The following RNLS variants were observed in gnomAD, a reference collection of about 807,000 sequenced individuals.
The protein encoded by RNLS is renalase, FAD dependent amine oxidase, also known as renalase.
RNLS carries 39 observed loss-of-function variants against 39.8 expected under a neutral mutation model. That is an observed-to-expected ratio of 0.98 (90% CI 0.76 to 1.28). The LOEUF (loss-of-function observed/expected upper bound fraction) is 1.28, where lower values mean the gene tolerates loss of function less well. Ranked by LOEUF, RNLS falls within the 50% of genes most tolerant of loss-of-function variation. The pLI is 0.00. For missense variants in RNLS, 410 were observed against 413.3 expected, an observed-to-expected ratio of 0.99 and a Z score of 0.07; for synonymous variants, 147 against 150.7, an observed-to-expected ratio of 0.98 and a Z score of 0.18.
intron 3 of RNLS, among the ~76,000 whole-genome samples, chr10:88,580,980 T>A (rs1217124601): frequency 6.6e-6 from 1 of 152,074 alleles, no homozygotes; most frequent in Admixed American, 6.5e-5. Context: ...TGATCCTAAA[T>A]AAAGATATGC....
chr10:88,443,264 G>A (rs560095597), intron 4 of RNLS, among the ~76,000 whole-genome samples: 156 of 152,198 alleles, frequency 1.0e-3, no homozygotes, highest in African/African-American at 3.5e-3. Flanking sequence ...CTAAAACTGC[G>A]TATTTTATAT....
chr10:88,490,257 T>C (rs1239441566), intron 4 of RNLS, among the ~76,000 whole-genome samples: 2 of 152,146 alleles, frequency 1.3e-5, no homozygotes, highest in African/African-American at 4.8e-5. Flanking sequence ...ATTTATAAGT[T>C]TATAAAATAT....
At chr10:88,555,538 C>T (rs1211553420) in intron 4 of RNLS, among the ~76,000 whole-genome samples, 1 of 152,128 alleles carries the variant, frequency 6.6e-6, no homozygotes, top group African/African-American at 2.4e-5. Flanking sequence ...CTTCACGCTT[C>T]ACCATGACTA....
Position 88,306,139 on chromosome 10 carries a change from C to T in RNLS, c.876+8327G>A, listed in dbSNP as rs901600163. On this transcript the variant is annotated intron_variant, in intron 6 of 6. Transcript: ENST00000331772. ...ATTTATTTGAAATTAATGAGAACAA[C>T]GATACAACATATCCAAATCTCTGGA... Among the ~76,000 whole-genome samples, 7 of 152,036 alleles carry T rather than the reference C, an allele frequency of 4.6e-5. No individual in the cohort carries two copies. The South Asian group carries it at 6.2e-4, about 14-fold the overall frequency.
chr10:88,348,068 G>T (rs1848431696), intron 5 of RNLS, among the ~76,000 whole-genome samples: 1 of 152,128 alleles, frequency 6.6e-6, no homozygotes, highest in Non-Finnish European at 1.5e-5. Flanking sequence ...GACTGCGCCA[G>T]TTCCCACCTG....
intron 4 of RNLS, among the ~76,000 whole-genome samples, chr10:88,518,942 TAAAGAAAG>T (rs1394855640): frequency 6.6e-6 from 1 of 152,034 alleles, no homozygotes; most frequent in African/African-American, 2.4e-5. Flanking sequence ...TGTATATCTC[TAAAGAAAG>T]AAAAGATAGT....
chr10:88,415,780 T>G (rs1853981040), intron 4 of RNLS, among the ~76,000 whole-genome samples: 1 of 152,200 alleles, frequency 6.6e-6, no homozygotes, highest in Non-Finnish European at 1.5e-5. Context: ...GCCTGTCTGT[T>G]CTTGCTCCCA....
intron 4 of RNLS, among the ~76,000 whole-genome samples, chr10:88,472,616 T>C (rs1843609851): frequency 6.6e-6 from 1 of 152,208 alleles, no homozygotes; most frequent in Admixed American, 6.5e-5. Context: ...ATAAAGCTGT[T>C]AGTACAGCCA....
downstream of RNLS, among the ~76,000 whole-genome samples, chr10:88,272,025 G>A (rs1842662768): frequency 1.3e-5 from 2 of 152,204 alleles, no homozygotes; most frequent in Admixed American, 6.5e-5. Context: ...GAAAAAGGAA[G>A]TGGCATTATA....
chr10:88,582,931 G>T (rs573294569), intron 1 of RNLS, 142 bp downstream of exon 1: 4 of 966,914 alleles, frequency 4.1e-6, no homozygotes, highest in South Asian at 2.1e-5. Flanking sequence ...GCCACTCGGC[G>T]CATGGGCCGC....
At chr10:88,353,308 G>A (rs910972614) in intron 5 of RNLS, among the ~76,000 whole-genome samples, 1 of 152,078 alleles carries the variant, frequency 6.6e-6, no homozygotes, top group East Asian at 1.9e-4. Flanking sequence ...ATGTTAGGGT[G>A]TCAATTTTAG....
intron 4 of RNLS, among the ~76,000 whole-genome samples, chr10:88,377,126 A>ATAAG (rs1385621257): frequency 2.6e-5 from 4 of 152,228 alleles, no homozygotes; most frequent in East Asian, 3.9e-4. Context: ...TTTCTTGCAT[A>ATAAG]TAAGTCAGAA....
At chr10:88,218,122 G>T in the RNLS span, among the ~76,000 whole-genome samples, 694 of 152,358 alleles carry the variant, frequency 4.6e-3, 1 homozygote, top group Middle Eastern at 0.014. Context: ...AGAAAGCTGG[G>T]CTCCTGGGGC....
At chr10:88,563,522 T>C (rs1332296423) in intron 4 of RNLS, among the ~76,000 whole-genome samples, 3 of 152,190 alleles carry the variant, frequency 2.0e-5, no homozygotes, top group African/African-American at 7.2e-5. Flanking sequence ...AATATAGTTT[T>C]GAAAAATCCA....
intron 4 of RNLS, among the ~76,000 whole-genome samples, chr10:88,389,509 G>A (rs1262863737): frequency 6.6e-6 from 1 of 152,134 alleles, no homozygotes; most frequent in Non-Finnish European, 1.5e-5. Flanking sequence ...CAAAGGTATT[G>A]CTGCTTTAAT....
intron 4 of RNLS, among the ~76,000 whole-genome samples, chr10:88,429,649 GT>G (rs1377196757): frequency 6.6e-6 from 1 of 151,734 alleles, no homozygotes; most frequent in Non-Finnish European, 1.5e-5. Flanking sequence ...GTAATTTTAG[GT>G]TTTATATTTA....
In RNLS at chr10:88,362,722, A is replaced by C; in HGVS notation, c.530T>G (p.Ile177Ser). Reference protein sequence around the residue: ...LQLQGDITTLISECQRQQLEA... With the variant: ...LQLQGDITTLSSECQRQQLEA... Reference sequence around the variant, plus strand: ...CAGTTGCTGCCTTTGGCATTCACTAATTACTGTGGAAGAAAAAATAAAAGG... The same window carrying C: ...CAGTTGCTGCCTTTGGCATTCACTACTTACTGTGGAAGAAAAAATAAAAGG... The change falls in exon 5 of 7, where the codon ATT becomes AGT. Residue 177 changes from isoleucine (I) to serine (S), a missense_variant. Transcript: ENST00000331772. 1 of 1,609,900 alleles carries C rather than the reference A, an allele frequency of 6.2e-7. No homozygotes were observed. Among genetic ancestry groups the C allele is most frequent in the Non-Finnish European group, 8.5e-7 (1 of 1,178,614 alleles).
the RNLS span, among the ~76,000 whole-genome samples, chr10:88,250,975 A>G: frequency 5.9e-5 from 9 of 152,344 alleles, no homozygotes; most frequent in African/African-American, 2.2e-4. Context: ...GTTTCATGCT[A>G]CCCACCTTGA....
intron 6 of RNLS, among the ~76,000 whole-genome samples, chr10:88,308,007 G>C (rs148560853): frequency 6.6e-4 from 100 of 152,240 alleles, no homozygotes; most frequent in African/African-American, 2.3e-3. Context: ...TCTGATCTTT[G>C]ACAAAAACAA....
Sources: allele counts gnomAD v4.1 joint callset (sites outside exome capture counted in the v4.1 genomes callset), GRCh38; gene constraint gnomAD v4.1.1; transcripts MANE v1.5; gene names NCBI Gene and HGNC (gene_info 2026-07-23, HGNC 2026-07-21).